GLCCI1: variants seen among roughly 807,000 people sequenced by gnomAD.
GLCCI1 encodes glucocorticoid-induced transcript 1 protein.
A neutral mutation model predicts 52.2 loss-of-function variants in GLCCI1; 24 were observed. That is an observed-to-expected ratio of 0.46 (90% CI 0.33 to 0.65). GLCCI1 has a LOEUF of 0.65. Among genes scored for constraint, GLCCI1 ranks in the 30% least tolerant of loss-of-function variants. GLCCI1 has a pLI of 0.02. For missense variants in GLCCI1, 704 were observed against 701.5 expected, an observed-to-expected ratio of 1.00 and a Z score of -0.04; for synonymous variants, 310 against 276.5, an observed-to-expected ratio of 1.12 and a Z score of -1.20.
chr7:7,977,945 G>T (rs1459302252), intron 1 of GLCCI1, among the ~76,000 whole-genome samples: 2 of 152,148 alleles, frequency 1.3e-5, no homozygotes, highest in Non-Finnish European at 2.9e-5. Flanking sequence ...TTAGTTATGG[G>T]GCAGGAAAGT....
chr7:7,976,777 G>T (rs900065341), intron 1 of GLCCI1, among the ~76,000 whole-genome samples: 1 of 151,910 alleles, frequency 6.6e-6, no homozygotes, highest in African/African-American at 2.4e-5. Context: ...CCTGGGCATG[G>T]TGGGACACTC....
chr7:8,009,911 A>G (rs1194823603), intron 2 of GLCCI1, among the ~76,000 whole-genome samples: 2 of 149,294 alleles, frequency 1.3e-5, no homozygotes, highest in African/African-American at 5.1e-5. Context: ...AGAATGAAAA[A>G]AAAAAACCTG....
At chr7:8,007,339 G>A (rs988528447) in intron 2 of GLCCI1, among the ~76,000 whole-genome samples, 1 of 152,104 alleles carries the variant, frequency 6.6e-6, no homozygotes, top group East Asian at 1.9e-4. Flanking sequence ...TATGTACTAC[G>A]TACGTAGTAC....
At chr7:8,005,307 A>G (rs1399807544) in intron 2 of GLCCI1, among the ~76,000 whole-genome samples, 1 of 152,202 alleles carries the variant, frequency 6.6e-6, no homozygotes, top group African/African-American at 2.4e-5. Flanking sequence ...ATAGAGTATG[A>G]AAGAAGAAGG....
rs61377819 is a variant in GLCCI1, at chr7:8,061,657, CTTTTTTTTTTTTTT to C, written c.966+1423_966+1436del. Among the ~76,000 whole-genome samples the C allele has an allele frequency of 1.9e-4, 15 of 78,380 alleles. No individual in the cohort carries two copies. In the South Asian group the frequency reaches 5.9e-3, roughly 31 times the overall value. 51.4% of individuals were successfully genotyped at this position (78,380 alleles called of 152,430 possible). The stretch of plus-strand genomic sequence containing the variant: ...TGGCATCTCTGTTTACCATTGAACT[CTTTTTTTTTTTTTT>C]TTTTTTTTTTTTTGAGACAGGGTCT... On this transcript the variant is annotated intron_variant, in intron 5 of 7. Coordinates refer to ENST00000223145, the MANE Select transcript of GLCCI1 (RefSeq NM_138426.4).
chr7:7,977,520 T>G (rs1416301737), intron 1 of GLCCI1, among the ~76,000 whole-genome samples: 1 of 152,228 alleles, frequency 6.6e-6, no homozygotes, highest in Non-Finnish European at 1.5e-5. Context: ...GAGGCATAAA[T>G]GTATCCTGGG....
rs545356360 is a variant in GLCCI1 at position 8,001,255 on chromosome 7, A to G, written c.458-2653A>G. ...CCTGGTGGTGACAACATCTCTCAAC[A>G]TTTGCTTATCTGTAAAGAATTTTAT... is the stretch of plus-strand genomic sequence containing the variant. On this transcript the variant is annotated intron_variant, in intron 1 of 7. Transcript: ENST00000223145. 1.0e-3 allele frequency among the ~76,000 whole-genome samples: 157 copies of G among 152,216 alleles called. 1 individual carries two copies. Among genetic ancestry groups the G allele is most frequent in the Non-Finnish European group, 1.2e-3 (85 of 68,024 alleles).
chr7:8,049,712 G>A (rs553389621), intron 3 of GLCCI1, among the ~76,000 whole-genome samples: 8 of 152,232 alleles, frequency 5.3e-5, no homozygotes, highest in African/African-American at 1.9e-4. Context: ...GTTATGCAGT[G>A]GTTGGTTGAA....
intron 2 of GLCCI1, among the ~76,000 whole-genome samples, chr7:8,014,847 G>A (rs148211157): frequency 6.6e-6 from 1 of 152,248 alleles, no homozygotes; most frequent in Non-Finnish European, 1.5e-5. Flanking sequence ...TACATATACT[G>A]ATACTTCCCT....
In GLCCI1 at chr7:8,055,502, C is replaced by T. The variant is rs774566628; in HGVS notation, c.766C>T (p.Arg256Cys). 2.5e-6 allele frequency: 4 copies of T among 1,613,664 alleles called. No homozygotes were observed. The highest frequency in any genetic ancestry group is 2.2e-5 in the East Asian group (1 of 44,866). Residue 256 changes from arginine (R) to cysteine (C), a missense_variant, in exon 4 of 8, where the codon CGC becomes TGC. Physicochemically the swap from Arg to Cys is radical, Grantham distance 180. Coordinates refer to ENST00000223145, the MANE Select transcript of GLCCI1 (RefSeq NM_138426.4). ...TAGTCGTCACAGTAAGGAGAAAGAT[C>T]GCCAGTCACCTCTTCATGGCAACCA... The part of the protein sequence containing the change: ...QSSRHSKEKD[R>C]QSPLHGNHIT...
At chr7:7,997,170 C>A (rs1388921669) in intron 1 of GLCCI1, among the ~76,000 whole-genome samples, 1 of 152,006 alleles carries the variant, frequency 6.6e-6, no homozygotes, top group Non-Finnish European at 1.5e-5. Context: ...TACCAGTCAC[C>A]TTTCCATATC....
chr7:8,050,098 A>G (rs1267468308), intron 3 of GLCCI1, among the ~76,000 whole-genome samples: 4 of 152,064 alleles, frequency 2.6e-5, no homozygotes, highest in African/African-American at 9.7e-5. Context: ...GGTGTGTGGA[A>G]TCTCTGTCTA....
At position 8,055,526 on chromosome 7, in the gene GLCCI1, C is replaced by T. The variant is rs753740999; in HGVS notation, c.790C>T (p.His264Tyr). ...KDRQSPLHGN[H>Y]ITISHTQATG... Reference sequence around the variant, plus strand: ...TCGCCAGTCACCTCTTCATGGCAACCATATAACAATCAGTCACACTCAGGT... The same window carrying T: ...TCGCCAGTCACCTCTTCATGGCAACTATATAACAATCAGTCACACTCAGGT... The change falls in exon 4 of 8, where the codon CAT (histidine) becomes TAT (tyrosine). Residue 264 changes from histidine (H) to tyrosine (Y), a missense_variant. Around this residue, in one of 3 missense-constraint regions of GLCCI1, gnomAD observed 547 missense variants for 524.8 expected, o/e 1.04. Coordinates refer to ENST00000223145, the MANE Select transcript of GLCCI1 (RefSeq NM_138426.4). 28 of 1,608,532 alleles carry T rather than the reference C, an allele frequency of 1.7e-5. 2 individuals carry two copies. In the South Asian group the frequency reaches 3.0e-4, roughly 17 times the overall value.
At chr7:8,054,632 T>A (rs1419236948) in intron 3 of GLCCI1, among the ~76,000 whole-genome samples, 1 of 152,120 alleles carries the variant, frequency 6.6e-6, no homozygotes, top group African/African-American at 2.4e-5. Context: ...ATATCTTTGT[T>A]GTATCTCTCT....
In GLCCI1 at chr7:8,047,008, GAA is replaced by G. The variant is rs200090069; in HGVS notation, c.697-8416_697-8415del. ...TTCAATGAGGAGAAACAGAGAGGGG[GAA>G]AAAAAAAACCACCTCTAAGTATAGC... is the stretch of plus-strand genomic sequence containing the variant. On this transcript the variant is annotated intron_variant, in intron 3 of 7. Transcript: ENST00000223145. Among the ~76,000 whole-genome samples, 918 of 150,328 alleles carry G rather than the reference GAA, an allele frequency of 6.1e-3. 13 individuals carry two copies. Among genetic ancestry groups the G allele is most frequent in the African/African-American group, 0.019 (787 of 41,034 alleles).
Position 8,067,628 on chromosome 7 carries a change from T to A in GLCCI1, c.967-3293T>A, listed in dbSNP as rs1042766188. ...AAGGATCTTATTTGTCCTGTGCTTATGTAGCTTAGTTTGACTAGATAGCCA... is the reference window on the plus strand; with the variant it reads ...AAGGATCTTATTTGTCCTGTGCTTAAGTAGCTTAGTTTGACTAGATAGCCA... On this transcript the variant is annotated intron_variant, in intron 5 of 7. Coordinates refer to ENST00000223145, the MANE Select transcript of GLCCI1 (RefSeq NM_138426.4). Among the ~76,000 whole-genome samples, 11 of 152,218 alleles carry A rather than the reference T, an allele frequency of 7.2e-5. No homozygotes were observed. The East Asian group carries it at 1.7e-3, about 24-fold the overall frequency.
At chr7:8,073,901 C>T (rs1782820198) in intron 6 of GLCCI1, among the ~76,000 whole-genome samples, 1 of 152,144 alleles carries the variant, frequency 6.6e-6, no homozygotes, top group Non-Finnish European at 1.5e-5. Context: ...TGTTACTACT[C>T]CCTGGAAAAC....
At chr7:8,070,682 G>A in intron 5 of GLCCI1, 1 of 450,040 alleles carries the variant, frequency 2.2e-6, no homozygotes, top group Non-Finnish European at 4.1e-6. Context: ...CTGACCTACA[G>A]GTACATACAG....
chr7:8,073,872 G>GT (rs1249733421), intron 6 of GLCCI1, among the ~76,000 whole-genome samples: 1 of 152,172 alleles, frequency 6.6e-6, no homozygotes, highest in Non-Finnish European at 1.5e-5. Context: ...GCATTACTTT[G>GT]TGATTAAGAT....
Sources: gnomAD v4.1 joint callset for allele counts (sites outside exome capture counted in the v4.1 genomes callset) on GRCh38, gnomAD v4.1.1 for gene constraint, gnomAD v4.1.1 regional missense constraint, MANE v1.5 for transcripts, NCBI Gene and HGNC (gene_info 2026-07-23, HGNC 2026-07-21) for gene names.